Variants in CDH13 observed in about 807,000 individuals in gnomAD.
CDH13 encodes cadherin 13.
Under a neutral mutation model 63.8 loss-of-function variants are expected in CDH13, and 24 were observed. The observed-to-expected ratio is 0.38, with a 90% CI of 0.27 to 0.53. The LOEUF (loss-of-function observed/expected upper bound fraction) is 0.53, where lower values mean the gene tolerates loss of function less well. CDH13 is among the 20% of genes least tolerant of loss of function. The pLI is 0.85. For synonymous variants in CDH13, 503 were observed against 355.3 expected (o/e 1.42, Z -4.67); for missense variants, 1,049 against 903.1 (o/e 1.16, Z -2.07).
At chr16:83,266,164 C>T (rs1907597945) in intron 5 of CDH13, among the ~76,000 whole-genome samples, 1 of 152,112 alleles carries the variant, frequency 6.6e-6, no homozygotes, top group African/African-American at 2.4e-5. Context: ...TCTCAAACTC[C>T]TGACCTCAAG....
intron 1 of CDH13, among the ~76,000 whole-genome samples, chr16:82,653,631 G>C (rs867273033): frequency 3.9e-5 from 6 of 152,120 alleles, no homozygotes; most frequent in Admixed American, 6.5e-5. Context: ...GGGCTGCAGG[G>C]GTAGGAGGGA....
chr16:83,246,561 A>AT (rs373634977), intron 5 of CDH13, among the ~76,000 whole-genome samples: 6 of 151,978 alleles, frequency 3.9e-5, no homozygotes, highest in Non-Finnish European at 7.4e-5. Flanking sequence ...TCTAGAATGT[A>AT]TTTTTTTAGA....
intron 6 of CDH13, among the ~76,000 whole-genome samples, chr16:83,361,207 G>GT (rs1235829627): frequency 6.6e-6 from 1 of 152,106 alleles, no homozygotes; most frequent in Non-Finnish European, 1.5e-5. Context: ...TTTTTCATAT[G>GT]TTTTTTGGAT....
chr16:82,863,208 A>C (rs376859906), intron 2 of CDH13, among the ~76,000 whole-genome samples: 66 of 152,322 alleles, frequency 4.3e-4, no homozygotes, highest in African/African-American at 1.5e-3. Context: ...GGAGTAACCA[A>C]GGCCTACATA....
chr16:82,627,337 C>CGTGCGTGTGTGTGTGTGT (rs1555525839), intron 1 of CDH13, among the ~76,000 whole-genome samples, 200 bp downstream of exon 1: 1,714 of 131,200 alleles, frequency 0.013, 45 homozygotes, highest in Non-Finnish European at 0.018. Flanking sequence ...CTCTGGCGTG[C>CGTGCGTGTGTGTGTGTGT]GTGTGTGTGT....
At chr16:83,322,531 A>G (rs971876179) in intron 5 of CDH13, among the ~76,000 whole-genome samples, 10 of 152,130 alleles carry the variant, frequency 6.6e-5, no homozygotes, top group Admixed American at 6.5e-4. Flanking sequence ...GGAGACAGAG[A>G]CAAAGCCATT....
At chr16:83,602,358 G>C (rs1453402204) in intron 7 of CDH13, 96 bp from the exon 8 acceptor site, 1 of 1,190,454 alleles carries the variant, frequency 8.4e-7, no homozygotes, top group Non-Finnish European at 1.3e-6. Flanking sequence ...AGATGGAGGA[G>C]GGGGAGAGAC....
intron 3 of CDH13, among the ~76,000 whole-genome samples, chr16:83,103,110 G>A (rs1354014476): frequency 6.6e-6 from 1 of 150,996 alleles, no homozygotes. Flanking sequence ...GTGCCACCAC[G>A]CCCAGCTAAT....
intron 10 of CDH13, among the ~76,000 whole-genome samples, chr16:83,744,585 G>A (rs1912391722): frequency 6.6e-6 from 1 of 152,188 alleles, no homozygotes; most frequent in Non-Finnish European, 1.5e-5. Context: ...TGCTGAGTCG[G>A]ATGTTTCTGA....
intron 7 of CDH13, among the ~76,000 whole-genome samples, chr16:83,598,735 A>G (rs1381715744): frequency 1.3e-5 from 2 of 152,088 alleles, no homozygotes; most frequent in Non-Finnish European, 2.9e-5. Context: ...ATGATGATTA[A>G]CAACAACAAC....
At chr16:83,575,332 TACAAAA>T (rs548126550) in intron 7 of CDH13, among the ~76,000 whole-genome samples, 114 of 152,266 alleles carry the variant, frequency 7.5e-4, no homozygotes, top group East Asian at 2.9e-3. Context: ...AGAAAGCTGT[TACAAAA>T]ACAAAAACAA....
At chr16:83,447,619 G>A (rs900369937) in intron 6 of CDH13, among the ~76,000 whole-genome samples, 10 of 152,008 alleles carry the variant, frequency 6.6e-5, no homozygotes, top group Non-Finnish European at 1.0e-4. Context: ...AGGAAGAAGC[G>A]TGTGAAAACA....
At position 82,723,476 on chromosome 16, in the gene CDH13, G is replaced by A. The variant is rs575165413; in HGVS notation, c.45+96339G>A. Among the ~76,000 whole-genome samples the A allele has an allele frequency of 5.9e-5, 9 of 152,262 alleles. No homozygotes were observed. The East Asian group carries it at 1.4e-3, about 23-fold the overall frequency. The stretch of plus-strand genomic sequence containing the variant: ...TCTGGTCTGTGGGATGTGGGATGAT[G>A]TAAAGTCCACCTTACTTCAGCAAAA... On this transcript the variant is annotated intron_variant, in intron 1 of 13. Coordinates refer to ENST00000567109, the MANE Select transcript of CDH13 (RefSeq NM_001257.5).
chr16:83,726,903 T>C (rs2549175), intron 10 of CDH13, among the ~76,000 whole-genome samples: 98,587 of 151,776 alleles, frequency 0.65, 32,510 homozygotes, highest in East Asian at 0.88. Context: ...CTGAAGACTA[T>C]CGAGGGAGGA....
chr16:82,966,626 T>C (rs1371019489), intron 2 of CDH13, among the ~76,000 whole-genome samples: 1 of 152,230 alleles, frequency 6.6e-6, no homozygotes, highest in Non-Finnish European at 1.5e-5. Flanking sequence ...TTTAACCTTT[T>C]ATTTTGAAAT....
intron 7 of CDH13, among the ~76,000 whole-genome samples, chr16:83,521,575 G>C (rs893902316): frequency 6.6e-6 from 1 of 152,206 alleles, no homozygotes; most frequent in Admixed American, 6.5e-5. Flanking sequence ...TCCCTTGTGA[G>C]TTTTAAAGGG....
chr16:82,671,799 A>G (rs867918015), intron 1 of CDH13, among the ~76,000 whole-genome samples: 5 of 151,614 alleles, frequency 3.3e-5, no homozygotes, highest in Non-Finnish European at 2.9e-5. Context: ...CTTCTTTTCT[A>G]TTCATGACCC....
At chr16:83,543,370 A>G (rs1464654202) in intron 7 of CDH13, among the ~76,000 whole-genome samples, 1 of 152,208 alleles carries the variant, frequency 6.6e-6, no homozygotes, top group Non-Finnish European at 1.5e-5. Context: ...ATGCTGATTA[A>G]ATGACATGGC....
chr16:83,523,529 G>C (rs1218042825), intron 7 of CDH13, among the ~76,000 whole-genome samples: 2 of 152,106 alleles, frequency 1.3e-5, no homozygotes, highest in African/African-American at 4.8e-5. Flanking sequence ...CTGCCAACCA[G>C]TGCCCCCCAC....
Sources: gnomAD v4.1 joint callset for allele counts (sites outside exome capture counted in the v4.1 genomes callset) on GRCh38, gnomAD v4.1.1 for gene constraint, MANE v1.5 for transcripts, NCBI Gene and HGNC (gene_info 2026-07-23, HGNC 2026-07-21) for gene names.